Variants in THSD7B observed in about 807,000 individuals in gnomAD.
THSD7B encodes thrombospondin type-1 domain-containing protein 7B.
A neutral mutation model predicts 213.6 loss-of-function variants in THSD7B; 138 were observed. The ratio of observed to expected loss-of-function variants is 0.65; its 90% CI spans 0.56 to 0.74. THSD7B has a LOEUF of 0.74. THSD7B is among the 30% of genes least tolerant of loss of function. The probability of loss-of-function intolerance (pLI) is 0.00; values close to 1 mark genes in which losing one functional copy is unlikely to be tolerated. For missense variants in THSD7B, 1,931 were observed against 1,991.5 expected (o/e 0.97, Z 0.58); for synonymous variants, 742 against 687.0 (o/e 1.08, Z -1.25).
At chr2:137,528,203 G>T (rs537868511) in intron 15 of THSD7B, among the ~76,000 whole-genome samples, 1 of 152,160 alleles carries the variant, frequency 6.6e-6, no homozygotes, top group Non-Finnish European at 1.5e-5. Context: ...ATTGGGGTTT[G>T]TTGTGTTTCA....
intron 12 of THSD7B, among the ~76,000 whole-genome samples, chr2:137,402,261 T>C (rs1485272361): frequency 6.6e-6 from 1 of 152,188 alleles, no homozygotes; most frequent in Admixed American, 6.5e-5. Context: ...ACTTGAAATT[T>C]TCAATTACTA....
chr2:137,425,285 C>T (rs1396627673), intron 14 of THSD7B, among the ~76,000 whole-genome samples: 2 of 151,872 alleles, frequency 1.3e-5, no homozygotes, highest in Non-Finnish European at 2.9e-5. Context: ...GGTGCAGTCT[C>T]CAATCACTCC....
chr2:137,126,875 G>A (rs1688638084), intron 5 of THSD7B, among the ~76,000 whole-genome samples: 1 of 152,052 alleles, frequency 6.6e-6, no homozygotes, highest in Non-Finnish European at 1.5e-5. Context: ...TCAATATTGT[G>A]TCTCCAGAAA....
intron 2 of THSD7B, among the ~76,000 whole-genome samples, chr2:136,974,402 A>G (rs946084113): frequency 6.7e-6 from 1 of 148,704 alleles, no homozygotes; most frequent in Non-Finnish European, 1.5e-5. Flanking sequence ...CCCTGTATCC[A>G]TGTGTTCTCA....
intron 1 of THSD7B, among the ~76,000 whole-genome samples, chr2:136,792,477 G>A (rs1177872175): frequency 6.6e-6 from 1 of 152,066 alleles, no homozygotes; most frequent in African/African-American, 2.4e-5. Flanking sequence ...CTCATAAAAT[G>A]TATAACTCCA....
intron 10 of THSD7B, among the ~76,000 whole-genome samples, chr2:137,268,568 T>C (rs1682657394): frequency 6.6e-6 from 1 of 152,152 alleles, no homozygotes; most frequent in African/African-American, 2.4e-5. Flanking sequence ...CTGTAAACTG[T>C]CATGGAGCTG....
At chr2:137,520,534 G>A (rs767170226) in intron 15 of THSD7B, among the ~76,000 whole-genome samples, 6 of 152,164 alleles carry the variant, frequency 3.9e-5, no homozygotes, top group South Asian at 2.1e-4. Context: ...TCAGTGCTTC[G>A]TTAAAAGCAC....
At chr2:136,963,340 C>T (rs1172378431) in intron 2 of THSD7B, among the ~76,000 whole-genome samples, 1 of 152,018 alleles carries the variant, frequency 6.6e-6, no homozygotes, top group Non-Finnish European at 1.5e-5. Flanking sequence ...AGAATATAGG[C>T]AGCAGAAAAG....
intron 1 of THSD7B, among the ~76,000 whole-genome samples, chr2:136,829,051 A>C (rs2104945406): frequency 6.6e-6 from 1 of 151,944 alleles, no homozygotes; most frequent in African/African-American, 2.4e-5. Flanking sequence ...TTCCAAGGCC[A>C]CTCTATTACG....
intron 3 of THSD7B, among the ~76,000 whole-genome samples, chr2:137,061,138 G>T (rs534970813): frequency 6.6e-6 from 1 of 151,458 alleles, no homozygotes; most frequent in East Asian, 1.9e-4. Flanking sequence ...ATTTCATATT[G>T]CAATTGTGCA....
intron 5 of THSD7B, chr2:137,155,976 G>A (rs1679902916): frequency 6.6e-6 from 1 of 152,132 alleles, no homozygotes; most frequent in African/African-American, 2.4e-5. Flanking sequence ...TTGGGTAGAG[G>A]CTTAGCTCTT....
intron 3 of THSD7B, among the ~76,000 whole-genome samples, chr2:137,077,931 T>G (rs1488845194): frequency 1.3e-5 from 2 of 152,120 alleles, no homozygotes; most frequent in African/African-American, 4.8e-5. Context: ...ATTGCCTAGG[T>G]TTTCTTCTAG....
At chr2:136,875,093 A>G (rs1683505426) in intron 1 of THSD7B, among the ~76,000 whole-genome samples, 1 of 152,198 alleles carries the variant, frequency 6.6e-6, no homozygotes, top group Non-Finnish European at 1.5e-5. Context: ...AAGAGAGGCA[A>G]CGTGGTTCAG....
intron 15 of THSD7B, among the ~76,000 whole-genome samples, chr2:137,545,428 C>T (rs1305771161): frequency 6.6e-6 from 1 of 151,738 alleles, no homozygotes; most frequent in Admixed American, 6.6e-5. Context: ...CTCACCAGAC[C>T]ACAGATAATC....
intron 12 of THSD7B, among the ~76,000 whole-genome samples, chr2:137,358,424 G>A (rs540552485): frequency 1.3e-5 from 2 of 152,312 alleles, no homozygotes; most frequent in East Asian, 1.9e-4. Context: ...TGAGTTCGAT[G>A]TGGTAGATTA....
chr2:137,028,942 A>C (rs1347313358), intron 2 of THSD7B, among the ~76,000 whole-genome samples: 1 of 152,186 alleles, frequency 6.6e-6, no homozygotes, highest in South Asian at 2.1e-4. Context: ...CTCCAAGCAA[A>C]GAAAACCCCT....
chr2:137,589,661 G>A (rs185037705), intron 17 of THSD7B, among the ~76,000 whole-genome samples: 2 of 152,060 alleles, frequency 1.3e-5, no homozygotes, highest in East Asian at 1.9e-4. Flanking sequence ...TTTGGGGTCT[G>A]GTTTCTTAGT....
chr2:136,950,317 T>A (rs970834199), intron 2 of THSD7B, among the ~76,000 whole-genome samples: 7 of 152,090 alleles, frequency 4.6e-5, no homozygotes, highest in Non-Finnish European at 1.0e-4. Flanking sequence ...AGTGACTGTG[T>A]AATGAACACA....
chr2:137,618,405 C>A lies in THSD7B; in HGVS notation c.3579C>A (p.Cys1193Ter), dbSNP rs1470098587. ...FQYNLTEWSTCQLSENAPCGQ... is the reference protein window; with the variant it reads ...FQYNLTEWST ...CTATGCCTGTAGAGTGGAGCACATG[C>A]CAGCTGAGTGAAAACGCACCCTGTG... Residue 1193 changes from cysteine (C) to a stop codon, truncating the protein, a stop_gained, in exon 19 of 28, where the codon TGC becomes TGA. Transcript: ENST00000409968. LOFTEE classifies it high-confidence loss of function. 3.1e-6 allele frequency: 5 copies of A among 1,613,756 alleles called. No individual in the cohort carries two copies. The highest frequency in any genetic ancestry group is 4.2e-6 in the Non-Finnish European group (5 of 1,179,826).
Sources: allele counts gnomAD v4.1 joint callset (sites outside exome capture counted in the v4.1 genomes callset), GRCh38; gene constraint gnomAD v4.1.1; transcripts MANE v1.5; gene names NCBI Gene and HGNC (gene_info 2026-07-23, HGNC 2026-07-21).